Variants in RMDN2 observed in about 807,000 individuals in gnomAD.
The protein encoded by RMDN2 is regulator of microtubule dynamics protein 2.
A neutral mutation model predicts 52.8 loss-of-function variants in RMDN2; 61 were observed. The observed-to-expected ratio is 1.16, with a 90% CI of 0.94 to 1.43. The LOEUF (loss-of-function observed/expected upper bound fraction) is 1.43. Ranked by LOEUF, RMDN2 falls within the 40% of genes most tolerant of loss-of-function variation. RMDN2 has a pLI of 0.00. For synonymous variants in RMDN2, 180 were observed against 153.1 expected, an observed-to-expected ratio of 1.18 and a Z score of -1.30; for missense variants, 592 against 475.3, an observed-to-expected ratio of 1.25 and a Z score of -2.28.
Position 37,981,304 on chromosome 2 carries a change from C to G in RMDN2, c.752C>G (p.Ala251Gly), listed in dbSNP as rs537693996. 3 of 1,604,386 alleles carry G rather than the reference C, an allele frequency of 1.9e-6. No individual in the cohort carries two copies. The African/African-American group carries it at 4.0e-5, about 21-fold the overall frequency. ...TCAGGAAAAACTTTAAGTGAAAGAG[C>G]TATTAATAGAGCACCCATGAATGGA... The part of the protein sequence containing the change: ...ANIGKTLSER[A>G]INRAPMNGHC... Residue 251 changes from alanine to glycine, a missense_variant, in exon 5 of 11, where the codon GCT becomes GGT. Ala to Gly is a moderately conservative substitution (Grantham distance 60). Coordinates refer to ENST00000354545, the MANE Select transcript of RMDN2 (RefSeq NM_001170791.3).
downstream of RMDN2, among the ~76,000 whole-genome samples, chr2:38,019,816 TTGGGAGGCTGAGG>T (rs1236490078): frequency 6.6e-6 from 1 of 152,086 alleles, no homozygotes; most frequent in Non-Finnish European, 1.5e-5. Flanking sequence ...TTACAGCTAC[TTGGGAGGCTGAGG>T]TGGGAGGATT....
intron 8 of RMDN2, among the ~76,000 whole-genome samples, chr2:38,000,551 T>C (rs1676177951): frequency 6.6e-6 from 1 of 152,208 alleles, no homozygotes; most frequent in South Asian, 2.1e-4. Context: ...TCTATCACTA[T>C]AAATTAGTTT....
chr2:37,926,350 G>A (rs927717633), intron 1 of RMDN2, among the ~76,000 whole-genome samples: 2 of 152,238 alleles, frequency 1.3e-5, no homozygotes, highest in Admixed American at 1.3e-4. Flanking sequence ...CATTTCTTCA[G>A]AAAACATTTC....
intron 10 of RMDN2, among the ~76,000 whole-genome samples, chr2:38,016,612 T>TA (rs1678824771): frequency 1.3e-5 from 2 of 152,156 alleles, no homozygotes; most frequent in African/African-American, 4.8e-5. Context: ...CCTATAAATG[T>TA]ACAGCATTTG....
chr2:37,970,778 A>G (rs1282691154), intron 2 of RMDN2, among the ~76,000 whole-genome samples: 2 of 152,214 alleles, frequency 1.3e-5, no homozygotes, highest in African/African-American at 4.8e-5. Context: ...AGAATAACAT[A>G]AAGATAATAG....
intron 2 of RMDN2, among the ~76,000 whole-genome samples, chr2:37,935,361 G>GC (rs1667197938): frequency 6.6e-6 from 1 of 152,146 alleles, no homozygotes; most frequent in Non-Finnish European, 1.5e-5. Flanking sequence ...GTTCATTTGT[G>GC]TTTTTACTCT....
chr2:37,961,634 C>T (rs1416162135), intron 2 of RMDN2, among the ~76,000 whole-genome samples: 3 of 152,034 alleles, frequency 2.0e-5, no homozygotes, highest in Non-Finnish European at 4.4e-5. Context: ...TGGGTTAGGA[C>T]ATGCTCCTTT....
chr2:38,024,106 A>G (rs909086975), intron 10 of RMDN2, among the ~76,000 whole-genome samples: 1 of 152,192 alleles, frequency 6.6e-6, no homozygotes, highest in African/African-American at 2.4e-5. Context: ...ATGTGGTAAC[A>G]TGAACTAATA....
At chr2:37,995,167 T>A (rs924919283) in intron 7 of RMDN2, among the ~76,000 whole-genome samples, 1 of 152,108 alleles carries the variant, frequency 6.6e-6, no homozygotes, top group Non-Finnish European at 1.5e-5. Flanking sequence ...AAAGCCAATT[T>A]AAAAAATACC....
At chr2:37,941,647 G>A (rs1000843441) in intron 2 of RMDN2, among the ~76,000 whole-genome samples, 1 of 152,168 alleles carries the variant, frequency 6.6e-6, no homozygotes, top group Non-Finnish European at 1.5e-5. Flanking sequence ...GCAGTGCTGC[G>A]GTGGGCTCCA....
At chr2:37,994,110 C>A (rs1407350803) in intron 7 of RMDN2, among the ~76,000 whole-genome samples, 3 of 152,106 alleles carry the variant, frequency 2.0e-5, no homozygotes, top group East Asian at 3.9e-4. Flanking sequence ...AGTTCACAGT[C>A]AAAAATTATA....
chr2:38,039,812 G>A (rs547712708), intron 10 of RMDN2, among the ~76,000 whole-genome samples: 3 of 152,184 alleles, frequency 2.0e-5, no homozygotes, highest in Admixed American at 1.3e-4. Flanking sequence ...GTCAAGAATC[G>A]GACCATGCCA....
At chr2:38,066,789 A>ATTCT in intron 10 of RMDN2, 2 of 566,980 alleles carry the variant, frequency 3.5e-6, no homozygotes, top group Non-Finnish European at 6.4e-6. Context: ...TCCCATGAAA[A>ATTCT]TATTTCCTTC....
intron 2 of RMDN2, chr2:37,952,089 T>G: frequency 6.2e-7 from 1 of 1,613,264 alleles, no homozygotes; most frequent in Non-Finnish European, 8.5e-7. Context: ...AAATTCTGGT[T>G]GCTTTATCCC....
At chr2:38,042,428 A>ACACCACACACAC (rs1558582691) in intron 10 of RMDN2, among the ~76,000 whole-genome samples, 3 of 136,594 alleles carry the variant, frequency 2.2e-5, no homozygotes, top group African/African-American at 9.7e-5. Context: ...CACACACCAC[A>ACACCACACACAC]CACACACACA....
chr2:38,036,898 A>T (rs971488466), intron 10 of RMDN2: 1 of 152,318 alleles, frequency 6.6e-6, no homozygotes, highest in African/African-American at 2.4e-5. Context: ...GCTACGGTAC[A>T]AAGATGACCA....
intron 7 of RMDN2, among the ~76,000 whole-genome samples, chr2:37,994,028 A>G (rs115458438): frequency 1.1e-3 from 171 of 152,336 alleles, no homozygotes; most frequent in African/African-American, 3.2e-3. Flanking sequence ...AGCACATGCT[A>G]ATCCTCTGTA....
At chr2:38,043,599 C>T (rs2125291589) in intron 10 of RMDN2, among the ~76,000 whole-genome samples, 1 of 152,050 alleles carries the variant, frequency 6.6e-6, no homozygotes, top group African/African-American at 2.4e-5. Context: ...CCTTCTCTGG[C>T]TTTGAGTATT....
chr2:37,979,721 T>A (rs1208381663), intron 4 of RMDN2, among the ~76,000 whole-genome samples: 1 of 152,200 alleles, frequency 6.6e-6, no homozygotes, highest in Non-Finnish European at 1.5e-5. Context: ...ACTGCATAAG[T>A]GAGGCTATGA....
Sources: allele counts gnomAD v4.1 joint callset (sites outside exome capture counted in the v4.1 genomes callset), GRCh38; gene constraint gnomAD v4.1.1; transcripts MANE v1.5; gene names NCBI Gene and HGNC (gene_info 2026-07-23, HGNC 2026-07-21).